Variants in CYLC2 observed in about 807,000 individuals in gnomAD.
CYLC2 encodes cylicin-2.
In CYLC2, 30 loss-of-function variants were observed where a neutral mutation model predicts 26.1. The ratio of observed to expected loss-of-function variants is 1.15; its 90% CI spans 0.86 to 1.56. The LOEUF (loss-of-function observed/expected upper bound fraction) is 1.56, where lower values mean the gene tolerates loss of function less well. CYLC2 is among the 40% of genes most tolerant of loss of function. The pLI is 0.00. For missense variants in CYLC2, 498 were observed against 394.4 expected (o/e 1.26, Z -2.23); for synonymous variants, 158 against 132.8 (o/e 1.19, Z -1.31).
At chr9:103,011,212 C>T (rs998885019) in intron 5 of CYLC2, among the ~76,000 whole-genome samples, 4 of 151,968 alleles carry the variant, frequency 2.6e-5, no homozygotes, top group African/African-American at 4.8e-5. Flanking sequence ...ATTATTTTTG[C>T]ACCAAAAGGA....
At chr9:103,008,155 A>G (rs1260737505) in intron 5 of CYLC2, among the ~76,000 whole-genome samples, 2 of 144,338 alleles carry the variant, frequency 1.4e-5, no homozygotes, top group South Asian at 4.6e-4. Context: ...TTTTTCCTCT[A>G]TAAAAAGGCC....
intron 5 of CYLC2, among the ~76,000 whole-genome samples, 166 bp downstream of exon 5, chr9:103,006,544 G>T (rs923710713): frequency 1.3e-5 from 2 of 149,206 alleles, no homozygotes; most frequent in Non-Finnish European, 1.5e-5. Context: ...CTCCCAAGTA[G>T]CTGGACTACA....
chr9:103,012,620 T>C (rs1290958561), intron 6 of CYLC2, among the ~76,000 whole-genome samples: 1 of 152,152 alleles, frequency 6.6e-6, no homozygotes, highest in South Asian at 2.1e-4. Context: ...AAATATAGAA[T>C]AAAAGTATTG....
chr9:103,016,218 A>G (rs1302486204), intron 6 of CYLC2, among the ~76,000 whole-genome samples: 1 of 151,932 alleles, frequency 6.6e-6, no homozygotes, highest in Non-Finnish European at 1.5e-5. Flanking sequence ...AGCATAATGT[A>G]TATCATATAT....
chr9:103,009,783 A>C (rs2211279), intron 5 of CYLC2, among the ~76,000 whole-genome samples: 110,710 of 151,734 alleles, frequency 0.73, 40,771 homozygotes, highest in South Asian at 0.93. Context: ...TTTAATTTTT[A>C]GATACAACAA....
intron 6 of CYLC2, among the ~76,000 whole-genome samples, chr9:103,015,116 T>C (rs868557225): frequency 6.5e-5 from 3 of 46,472 alleles, no homozygotes; most frequent in African/African-American, 1.6e-4. Context: ...ATACATAACA[T>C]GTATATCACG....
rs569118943 is a variant in CYLC2, at chr9:102,996,986, A to T, written c.17+1589A>T. 1.1e-4 allele frequency among the ~76,000 whole-genome samples: 16 copies of T among 152,068 alleles called. No homozygotes were observed. In the South Asian group the frequency reaches 3.3e-3, roughly 32 times the overall value. On this transcript the variant is annotated intron_variant, in intron 1 of 7. Transcript: ENST00000374798. ...ACAAAAATTTGGTGTGAGATAGGGT[A>T]TCTAAATATATGAACATTTAAAATT...
At chr9:103,015,021 T>C (rs1027161493) in intron 6 of CYLC2, among the ~76,000 whole-genome samples, 14 of 137,812 alleles carry the variant, frequency 1.0e-4, no homozygotes, top group African/African-American at 3.6e-4. Flanking sequence ...TTATGTAGTA[T>C]ACATAATACA....
chr9:102,999,074 A>C (rs922860504), intron 1 of CYLC2, among the ~76,000 whole-genome samples: 2 of 151,860 alleles, frequency 1.3e-5, no homozygotes, highest in Non-Finnish European at 2.9e-5. Flanking sequence ...ATTGCTATGA[A>C]CATTTTTGTC....
At chr9:103,000,141 T>A (rs1220803459) in intron 1 of CYLC2, among the ~76,000 whole-genome samples, 1 of 151,898 alleles carries the variant, frequency 6.6e-6, no homozygotes, top group Non-Finnish European at 1.5e-5. Flanking sequence ...ATTTTCATAA[T>A]TATCTTATTG....
chr9:103,016,073 TTAGA>T (rs1012453250), intron 6 of CYLC2, among the ~76,000 whole-genome samples: 2 of 151,612 alleles, frequency 1.3e-5, no homozygotes, highest in East Asian at 1.9e-4. Context: ...ATATACAGAT[TTAGA>T]TAGATAATTG....
intron 6 of CYLC2, among the ~76,000 whole-genome samples, chr9:103,012,410 G>T (rs1350086582): frequency 6.6e-6 from 1 of 151,922 alleles, no homozygotes; most frequent in East Asian, 1.9e-4. Context: ...AATAATTCCG[G>T]TGTTTTGAAC....
intron 6 of CYLC2, among the ~76,000 whole-genome samples, chr9:103,014,093 T>A (rs1829456601): frequency 8.4e-6 from 1 of 119,114 alleles, no homozygotes; most frequent in African/African-American, 3.3e-5. Context: ...ATTTAATATA[T>A]AAAATTAAAT....
intron 1 of CYLC2, among the ~76,000 whole-genome samples, chr9:103,000,193 T>C (rs543289276): frequency 6.6e-6 from 1 of 152,056 alleles, no homozygotes; most frequent in East Asian, 1.9e-4. Context: ...TGTGATCTCT[T>C]TTGGACCACT....
chr9:103,011,410 G>C (rs1040887695), intron 5 of CYLC2, among the ~76,000 whole-genome samples: 1 of 151,996 alleles, frequency 6.6e-6, no homozygotes. Context: ...AGCTTTGATG[G>C]CTAAGTAACT....
At chr9:103,006,703 C>T (rs561645168) in intron 5 of CYLC2, among the ~76,000 whole-genome samples, 26 of 152,170 alleles carry the variant, frequency 1.7e-4, no homozygotes, top group East Asian at 9.7e-4. Context: ...CGTGAGCCAC[C>T]GCGCCCGGCC....
chr9:103,004,389 G>T (rs1829317725), intron 3 of CYLC2, among the ~76,000 whole-genome samples: 1 of 151,980 alleles, frequency 6.6e-6, no homozygotes, highest in South Asian at 2.1e-4. Flanking sequence ...AGAACATACA[G>T]TTTAAAAAGC....
At chr9:103,003,064 A>G in intron 2 of CYLC2, 78 bp from the exon 3 acceptor site, 1 of 1,537,658 alleles carries the variant, frequency 6.5e-7, no homozygotes, top group Non-Finnish European at 8.9e-7. Context: ...TACATGATAT[A>G]CGTTGCACGT....
chr9:103,013,257 ATG>A lies in CYLC2; in HGVS notation c.*816+1164_*816+1165del, dbSNP rs1314930408. ...CATATAACATGTAAATATATATTTA[ATG>A]TGTTATATATATTATATATAACACA... On this transcript the variant is annotated intron_variant, in intron 6 of 7. Coordinates refer to ENST00000374798, the MANE Select transcript of CYLC2 (RefSeq NM_001340.5). Among the ~76,000 whole-genome samples, 5 of 111,512 alleles carry A rather than the reference ATG, an allele frequency of 4.5e-5. No individual in the cohort carries two copies. In the East Asian group the frequency reaches 1.0e-3, roughly 23 times the overall value. 73.2% of individuals were successfully genotyped at this position (111,512 alleles called of 152,430 possible). A position where few individuals can be genotyped will look rare whatever the true frequency, so the allele number is the denominator to read the frequency against.
Sources: allele counts gnomAD v4.1 joint callset (sites outside exome capture counted in the v4.1 genomes callset), GRCh38; gene constraint gnomAD v4.1.1; transcripts MANE v1.5; gene names NCBI Gene and HGNC (gene_info 2026-07-23, HGNC 2026-07-21).